Variants in CYB5R2 observed in about 807,000 individuals in gnomAD.
CYB5R2 encodes the protein NADH-cytochrome b5 reductase 2.
CYB5R2 carries 35 observed loss-of-function variants against 29.8 expected under a neutral mutation model. The observed-to-expected ratio is 1.17, with a 90% confidence interval of 0.90 to 1.56. The LOEUF is 1.56. Among genes scored for constraint, CYB5R2 ranks in the 40% most tolerant of loss-of-function variants. CYB5R2 has a pLI of 0.00. For missense variants in CYB5R2, 419 were observed against 346.7 expected (o/e 1.21, Z -1.66); for synonymous variants, 169 against 130.6 (o/e 1.29, Z -2.01).
chr11:7,666,625 C>T (rs191555681), intron 7 of CYB5R2, 75 bp from the exon 8 acceptor site: 9 of 1,101,998 alleles, frequency 8.2e-6, no homozygotes, highest in Non-Finnish European at 1.2e-5. Context: ...CACCGGTCAG[C>T]ATACTCCTGG....
At chr11:7,666,578 C>A (rs78378169) in intron 7 of CYB5R2, 28 bp from the exon 8 acceptor site, 1 of 1,531,496 alleles carries the variant, frequency 6.5e-7, no homozygotes. Flanking sequence ...CTGAAAAAGC[C>A]CCTCCAGGGC....
Position 7,667,713 on chromosome 11 carries a change from TCAGCA to T in CYB5R2, c.558+10_558+14del. 3 of 1,606,532 alleles carry T rather than the reference TCAGCA, an allele frequency of 1.9e-6. No homozygotes were observed. Among genetic ancestry groups the T allele is most frequent in the Non-Finnish European group, 2.6e-6 (3 of 1,173,104 alleles). On this transcript the variant is annotated intron_variant, in intron 7 of 8. Coordinates refer to ENST00000299498, the MANE Select transcript of CYB5R2 (RefSeq NM_016229.5). ...AACATTCCATCCTACCACTGCAAGC[TCAGCA>T]GGAACTGACCTGGTTGGCAAAGATG...
intron 8 of CYB5R2, chr11:7,665,886 A>G (rs1855130708): frequency 2.6e-6 from 4 of 1,536,002 alleles, no homozygotes; most frequent in African/African-American, 2.7e-5. Flanking sequence ...GCCTGGTGTT[A>G]GTGGAACTGC....
rs780919949 is a variant in CYB5R2 at position 7,667,738 on chromosome 11, A to G, written c.548T>C (p.Phe183Ser). The G allele has an allele frequency of 3.7e-6, 6 of 1,614,014 alleles. No individual in the cohort carries two copies. In the East Asian group the frequency reaches 8.9e-5, roughly 24 times the overall value. The change falls in exon 7 of 9, where the codon TTT becomes TCT. Residue 183 changes from phenylalanine to serine, a missense_variant. Coordinates refer to ENST00000299498, the MANE Select transcript of CYB5R2 (RefSeq NM_016229.5). ...PSDRTRMSLI[F>S]ANQTEEDILV... is the part of the protein sequence containing the mutation. ...TCAGCAGGAACTGACCTGGTTGGCA[A>G]AGATGAGGGACATCCTGGTCCTGTC...
chr11:7,673,613 T>C (rs1235601004), upstream of CYB5R2: 9 of 985,278 alleles, frequency 9.1e-6, no homozygotes, highest in African/African-American at 1.7e-5. Flanking sequence ...GGACGTTCGT[T>C]CCCGGCTCTA....
In CYB5R2 at chr11:7,665,514, C is replaced by A; in HGVS notation, c.691G>T (p.Asp231Tyr). 6.2e-7 allele frequency: 1 copy of A among 1,612,356 alleles called. No individual in the cohort carries two copies. The highest frequency in any genetic ancestry group is 8.5e-7 in the Non-Finnish European group (1 of 1,179,302). ...WKYSSGFVTA[D>Y]MIKEHLPPPA... ...GGAGGAAGGTGCTCCTTGATCATGTCGGCAGTAACGAAGCCTGAGCTGTAC... is the reference window on the plus strand; with the variant it reads ...GGAGGAAGGTGCTCCTTGATCATGTAGGCAGTAACGAAGCCTGAGCTGTAC... Residue 231 changes from aspartate (D) to tyrosine (Y), a missense_variant, in exon 9 of 9, where the codon GAC (aspartate) becomes TAC (tyrosine). Transcript: ENST00000299498.
At chr11:7,671,141 C>G (rs978616138) in intron 3 of CYB5R2, 1 of 152,274 alleles carries the variant, frequency 6.6e-6, no homozygotes, top group Non-Finnish European at 1.5e-5. Context: ...GTCATGGTCC[C>G]TCTGGGCACC....
At chr11:7,668,916 T>A (rs1403523819) in intron 5 of CYB5R2, 3 of 594,548 alleles carry the variant, frequency 5.0e-6, no homozygotes, top group Non-Finnish European at 9.1e-6. Flanking sequence ...ACTCCCTCCA[T>A]CCATTTTTCA....
intron 6 of CYB5R2, among the ~76,000 whole-genome samples, 170 bp from the exon 7 acceptor site, chr11:7,667,983 C>T (rs940686129): frequency 6.6e-6 from 1 of 152,222 alleles, no homozygotes; most frequent in Non-Finnish European, 1.5e-5. Context: ...CTTTCTAATG[C>T]AACAGTAAGT....
chr11:7,673,972 G>C, upstream of CYB5R2: 1 of 1,103,560 alleles, frequency 9.1e-7, no homozygotes, highest in Non-Finnish European at 1.1e-6. Context: ...CTCTGGGTCA[G>C]CCCTGCCCCC....
chr11:7,669,164 T>A (rs183821192), intron 5 of CYB5R2, 41 bp downstream of exon 5: 2 of 1,613,364 alleles, frequency 1.2e-6, no homozygotes, highest in African/African-American at 1.3e-5. Flanking sequence ...TGCAGGAATC[T>A]TCCTCCCAGC....
In CYB5R2 at chr11:7,669,156, C is replaced by A. The variant is rs752557121; in HGVS notation, c.388+49G>T. On this transcript the variant is annotated intron_variant, in intron 5 of 8. Coordinates refer to ENST00000299498, the MANE Select transcript of CYB5R2 (RefSeq NM_016229.5). Reference sequence around the variant, plus strand: ...GTGTACGAGAACAATGGAACCATTGCAGGAATCTTCCTCCCAGCTGGGAGC... The same window carrying A: ...GTGTACGAGAACAATGGAACCATTGAAGGAATCTTCCTCCCAGCTGGGAGC... 6 of 1,611,502 alleles carry A rather than the reference C, an allele frequency of 3.7e-6. No homozygotes were observed. The South Asian group carries it at 6.6e-5, about 18-fold the overall frequency.
intron 8 of CYB5R2, 110 bp from the exon 9 acceptor site, chr11:7,665,656 A>G: frequency 2.3e-6 from 3 of 1,280,356 alleles, no homozygotes; most frequent in Non-Finnish European, 3.2e-6. Flanking sequence ...AAGCTGCTCT[A>G]CAAAGGCTTA....
At chr11:7,667,605 TA>T in intron 7 of CYB5R2, 122 bp downstream of exon 7, 1 of 908,246 alleles carries the variant, frequency 1.1e-6, no homozygotes, top group Non-Finnish European at 1.8e-6. Context: ...TTGATCCCAC[TA>T]AGCCCTCCCA....
At chr11:7,672,161 T>C (rs1855783686) in intron 3 of CYB5R2, 1 of 392,148 alleles carries the variant, frequency 2.6e-6, no homozygotes. Flanking sequence ...TTCCCTTAAG[T>C]TCCCCAGCAA....
At chr11:7,673,727 G>A (rs1855906526), upstream of CYB5R2, 1 of 986,128 alleles carries the variant, frequency 1.0e-6, no homozygotes, top group African/African-American at 1.7e-5. Context: ...CCCGGAGTGA[G>A]ACGCCCAACA....
chr11:7,665,138 G>GAGAA lies in CYB5R2; in HGVS notation c.*232_*235dup. 1 of 403,788 alleles carries GAGAA rather than the reference G, an allele frequency of 2.5e-6. No homozygotes were observed. Among genetic ancestry groups the GAGAA allele is most frequent in the East Asian group, 4.4e-5 (1 of 22,958 alleles). The allele number at this position is 403,788 out of a possible 1,614,324, so 25.0% of individuals were successfully genotyped here. ...CTTGAGTTTATTTCACAAAACCACG[G>GAGAA]AGAAAGATACTGAAATGGAGCTCTT... On this transcript the variant is annotated 3_prime_UTR_variant, in exon 9 of 9. Transcript: ENST00000299498.
chr11:7,666,271 G>T, intron 8 of CYB5R2, 180 bp downstream of exon 8: 1 of 602,042 alleles, frequency 1.7e-6, no homozygotes, highest in South Asian at 2.1e-5. Flanking sequence ...TTAAAAGCAG[G>T]CCATCCCAAA....
At chr11:7,669,591 C>T in intron 4 of CYB5R2, 34 bp downstream of exon 4, 1 of 1,509,470 alleles carries the variant, frequency 6.6e-7, no homozygotes, top group Non-Finnish European at 9.0e-7. Context: ...GGCTTGGAAG[C>T]ACGAGCTAGC....
Sources: gnomAD v4.1 joint callset for allele counts (sites outside exome capture counted in the v4.1 genomes callset) on GRCh38, gnomAD v4.1.1 for gene constraint, MANE v1.5 for transcripts, NCBI Gene and HGNC (gene_info 2026-07-23, HGNC 2026-07-21) for gene names.